Variants in ENOX1 observed in about 807,000 individuals in gnomAD.
ENOX1 encodes the protein ecto-NOX disulfide-thiol exchanger 1, also known as candidate growth-related and time keeping constitutive hydroquinone (NADH) oxidase.
In ENOX1, 42 loss-of-function variants were observed where a neutral mutation model predicts 82.5. The ratio of observed to expected loss-of-function variants is 0.51; its 90% CI spans 0.40 to 0.66. The LOEUF is 0.66. ENOX1 is among the 30% of genes least tolerant of loss of function. The pLI, the probability that ENOX1 is intolerant of heterozygous loss-of-function variation, is 0.00. For missense variants in ENOX1, 608 were observed against 811.6 expected (o/e 0.75, Z 3.05); for synonymous variants, 271 against 282.2 (o/e 0.96, Z 0.40).
chr13:43,766,416 A>C (rs1951270208), intron 1 of ENOX1, among the ~76,000 whole-genome samples: 1 of 152,200 alleles, frequency 6.6e-6, no homozygotes, highest in African/African-American at 2.4e-5. Context: ...TTATTTGATT[A>C]AGGCTACTGC....
At chr13:43,307,064 C>T (rs909484839) in intron 11 of ENOX1, among the ~76,000 whole-genome samples, 1 of 152,160 alleles carries the variant, frequency 6.6e-6, no homozygotes, top group African/African-American at 2.4e-5. Context: ...AAGTTACTTC[C>T]GCCTTAGGTA....
intron 1 of ENOX1, among the ~76,000 whole-genome samples, chr13:43,673,460 C>A (rs572338628): frequency 2.8e-4 from 42 of 152,288 alleles, no homozygotes; most frequent in African/African-American, 9.9e-4. Context: ...TCATAGTTTA[C>A]AAGGATAAAG....
At chr13:43,249,242 T>C (rs958077809) in intron 14 of ENOX1, among the ~76,000 whole-genome samples, 1 of 152,214 alleles carries the variant, frequency 6.6e-6, no homozygotes, top group African/African-American at 2.4e-5. Context: ...TTAGTTTTAC[T>C]ATATGCCACT....
intron 2 of ENOX1, among the ~76,000 whole-genome samples, chr13:43,533,690 A>G (rs553614224): frequency 6.6e-6 from 1 of 152,206 alleles, no homozygotes. Context: ...GAAAGCATAC[A>G]AATTCTATAA....
chr13:43,339,090 T>C (rs996163686), intron 9 of ENOX1, among the ~76,000 whole-genome samples: 2 of 152,140 alleles, frequency 1.3e-5, no homozygotes, highest in Non-Finnish European at 2.9e-5. Flanking sequence ...AGACCAGAGA[T>C]ATAAAAAAGG....
intron 1 of ENOX1, among the ~76,000 whole-genome samples, chr13:43,763,377 C>G (rs1052234246): frequency 4.6e-5 from 7 of 152,124 alleles, no homozygotes; most frequent in African/African-American, 1.7e-4. Flanking sequence ...GCTCCTGGCT[C>G]TTTTACAAGT....
At chr13:43,557,797 C>G (rs1178027110) in intron 2 of ENOX1, among the ~76,000 whole-genome samples, 1 of 151,978 alleles carries the variant, frequency 6.6e-6, no homozygotes, top group Non-Finnish European at 1.5e-5. Flanking sequence ...GATCTTGTCT[C>G]TAACAGAAGT....
Position 43,256,701 on chromosome 13 carries a change from C to T in ENOX1, c.1611+8697G>A, listed in dbSNP as rs115470802. 1.8e-3 allele frequency among the ~76,000 whole-genome samples: 281 copies of T among 152,240 alleles called. 1 individual carries two copies. Among genetic ancestry groups the T allele is most frequent in the African/African-American group, 6.3e-3 (260 of 41,542 alleles). ...ATTTGAAGAAAGGGGAACCCTAGCA[C>T]GCTGTTAGTGGGAATGCAAATTACT... On this transcript the variant is annotated intron_variant, in intron 14 of 16. Transcript: ENST00000690772.
intron 3 of ENOX1, among the ~76,000 whole-genome samples, chr13:43,474,345 A>C (rs1162089788): frequency 6.6e-6 from 1 of 152,118 alleles, no homozygotes; most frequent in East Asian, 1.9e-4. Flanking sequence ...AGGCTTCCCT[A>C]TATTAATTTT....
At chr13:43,777,998 G>T (rs968373318) in intron 1 of ENOX1, among the ~76,000 whole-genome samples, 1 of 152,132 alleles carries the variant, frequency 6.6e-6, no homozygotes, top group Admixed American at 6.5e-5. Context: ...TTTTGTTCTC[G>T]CTGATAAGCA....
chr13:43,222,745 A>C (rs1230634674), intron 16 of ENOX1, among the ~76,000 whole-genome samples: 1 of 152,214 alleles, frequency 6.6e-6, no homozygotes, highest in Non-Finnish European at 1.5e-5. Context: ...ATACCAGTAA[A>C]GGGGAAACAA....
intron 2 of ENOX1, among the ~76,000 whole-genome samples, chr13:43,598,336 C>T (rs1393374079): frequency 6.6e-6 from 1 of 152,176 alleles, no homozygotes; most frequent in Non-Finnish European, 1.5e-5. Flanking sequence ...CTCCACAGAA[C>T]CTTAGTGCTT....
intron 2 of ENOX1, among the ~76,000 whole-genome samples, chr13:43,643,359 T>G (rs1040502332): frequency 1.3e-5 from 2 of 152,200 alleles, no homozygotes; most frequent in African/African-American, 2.4e-5. Flanking sequence ...CAGATGCCTA[T>G]TTAGTATGAG....
chr13:43,439,041 C>CTTTTTTTTTTTTTTTTTTTTTTTTTTTTT (rs61212622), intron 3 of ENOX1, among the ~76,000 whole-genome samples: 1 of 120,146 alleles, frequency 8.3e-6, no homozygotes, highest in Admixed American at 9.0e-5. Context: ...GTCTTTTAAT[C>CTTTTTTTTTTTTTTTTTTTTTTTTTTTTT]TTTTTTTTTT....
intron 16 of ENOX1, among the ~76,000 whole-genome samples, chr13:43,220,209 G>A (rs890134883): frequency 2.6e-5 from 4 of 151,952 alleles, no homozygotes; most frequent in African/African-American, 9.7e-5. Context: ...GTAAACAGGA[G>A]AGAATTAAAA....
At chr13:43,354,914 A>G (rs1031395400) in intron 8 of ENOX1, among the ~76,000 whole-genome samples, 12 of 152,240 alleles carry the variant, frequency 7.9e-5, no homozygotes, top group Admixed American at 6.5e-4. Flanking sequence ...TCCTCTATAA[A>G]GACTTTCTTG....
intron 2 of ENOX1, among the ~76,000 whole-genome samples, chr13:43,537,800 T>C (rs2078529751): frequency 6.6e-6 from 1 of 152,174 alleles, no homozygotes; most frequent in African/African-American, 2.4e-5. Context: ...ACCTAGCTTA[T>C]TACTGATTGG....
chr13:43,498,391 G>A (rs530761704), intron 2 of ENOX1, among the ~76,000 whole-genome samples: 1 of 152,136 alleles, frequency 6.6e-6, no homozygotes, highest in Admixed American at 6.5e-5. Context: ...GCATGAAAAT[G>A]TTAGAAAATA....
At chr13:43,531,630 T>C (rs1048553817) in intron 2 of ENOX1, among the ~76,000 whole-genome samples, 8 of 143,904 alleles carry the variant, frequency 5.6e-5, no homozygotes, top group African/African-American at 2.1e-4. Flanking sequence ...CACACATATG[T>C]TTATTGTGGC....
Sources: gnomAD v4.1 joint callset for allele counts (sites outside exome capture counted in the v4.1 genomes callset) on GRCh38, gnomAD v4.1.1 for gene constraint, MANE v1.5 for transcripts, NCBI Gene and HGNC (gene_info 2026-07-23, HGNC 2026-07-21) for gene names.